The following CAPN15 variants were observed in gnomAD, a reference collection of about 807,000 sequenced individuals.
CAPN15 encodes calpain 15.
In CAPN15, 53 loss-of-function variants were observed where a neutral mutation model predicts 97.9. The ratio of observed to expected loss-of-function variants is 0.54; its 90% CI spans 0.43 to 0.68. CAPN15 has a LOEUF of 0.68. CAPN15 is among the 30% of genes least tolerant of loss of function. The pLI is 0.00. For missense variants in CAPN15, 1,592 were observed against 1,589.8 expected (o/e 1.00, Z -0.02); for synonymous variants, 922 against 722.5 (o/e 1.28, Z -4.43).
At chr16:540,711 C>T (rs928855894) in intron 3 of CAPN15, among the ~76,000 whole-genome samples, 3 of 152,214 alleles carry the variant, frequency 2.0e-5, no homozygotes, top group Admixed American at 6.5e-5. Context: ...CTGCTGCCCA[C>T]GGTTTCAAAG....
rs776322441 is a variant in CAPN15, at chr16:552,605, C to T, written c.2738C>T (p.Ala913Val). 5.8e-6 allele frequency: 9 copies of T among 1,538,664 alleles called. No individual in the cohort carries two copies. Among genetic ancestry groups the T allele is most frequent in the Admixed American group, 1.9e-5 (1 of 51,322 alleles). Residue 913 changes from alanine (A) to valine (V), a missense_variant and splice_region_variant, in exon 12 of 14, where the codon GCC (alanine) becomes GTC (valine). Transcript: ENST00000219611. The surrounding 1 kb of genome is among the most constrained non-coding windows in gnomAD (Gnocchi z 6.4). ...PPLPGTPAPQ[A>V]SSPSAGVPRA... ...GCGGTTCACACGCCCGTCCTTGTAG[C>T]CTCCAGCCCCTCGGCAGGGGTCCCG...
intron 5 of CAPN15, 41 bp downstream of exon 5, chr16:549,242 G>GGGGGC: frequency 3.3e-6 from 1 of 298,892 alleles, no homozygotes; most frequent in Non-Finnish European, 6.4e-6. Flanking sequence ...GGGTGGGCGG[G>GGGGGC]CGACCGGCCG....
At position 549,699 on chromosome 16, in the gene CAPN15, C is replaced by T. The variant is rs1482747750; in HGVS notation, c.1927C>T (p.Arg643Cys). 13 of 1,563,784 alleles carry T rather than the reference C, an allele frequency of 8.3e-6. No individual in the cohort carries two copies. Among genetic ancestry groups the T allele is most frequent in the Non-Finnish European group, 1.0e-5 (12 of 1,156,758 alleles). ...HGSYFALQAGRAIEGLATLTG... is the reference protein window; with the variant it reads ...HGSYFALQAGCAIEGLATLTG... ...CTCCTACTTTGCGCTCCAGGCGGGC[C>T]GCGCCATCGAAGGCCTGGCCACGCT... Residue 643 changes from arginine to cysteine, a missense_variant, in exon 7 of 14, where the codon CGC becomes TGC. This residue lies in a region of CAPN15 where 644 missense variants were observed against 699.6 expected (regional missense o/e 0.92). Coordinates refer to ENST00000219611, the MANE Select transcript of CAPN15 (RefSeq NM_005632.3).
chr16:537,493 A>G (rs113553282), intron 3 of CAPN15: 4 of 961,406 alleles, frequency 4.2e-6, no homozygotes, highest in Non-Finnish European at 1.2e-6. Context: ...GCAGGTGTGC[A>G]GTCCTCACAC....
At chr16:540,244 C>T (rs892253293) in intron 3 of CAPN15, 4 of 985,506 alleles carry the variant, frequency 4.1e-6, no homozygotes, top group Non-Finnish European at 4.8e-6. Flanking sequence ...CCACAGCTTC[C>T]CCGGGGGACC....
In CAPN15 at chr16:548,251, G is replaced by A. The variant is rs570496154; in HGVS notation, c.1413G>A (p.Lys471=). 5 of 1,545,128 alleles carry A rather than the reference G, an allele frequency of 3.2e-6. No individual in the cohort carries two copies. The African/African-American group carries it at 7.0e-5, about 21-fold the overall frequency. The change falls in exon 4 of 14, where the codon AAG becomes AAA. Residue 471 remains lysine (K), a synonymous_variant. Transcript: ENST00000219611. ...QRRQTDEGEA[K]ALWENIVAFC... is the part of the protein sequence containing the mutation. ...GGCAGACAGACGAGGGCGAGGCCAA[G>A]GCACTCTGGGAGAACATCGTGGCCT...
At position 547,111 on chromosome 16, in the gene CAPN15, C is replaced by T. The variant is rs759163852; in HGVS notation, c.273C>T (p.Pro91=). 5.8e-5 allele frequency: 92 copies of T among 1,576,362 alleles called. No individual in the cohort carries two copies. Among genetic ancestry groups the T allele is most frequent in the Middle Eastern group, 1.7e-4 (1 of 5,942 alleles). The change falls in exon 4 of 14, where the codon CCC becomes CCT. Residue 91 remains proline (P), a synonymous_variant. Coordinates refer to ENST00000219611, the MANE Select transcript of CAPN15 (RefSeq NM_005632.3). Reference sequence around the variant, plus strand: ...TCAACGGGGTCCTCCCCAAGCCACCCGCCATCCTGGGGGAGCCCAAGGGCA... The same window carrying T: ...TCAACGGGGTCCTCCCCAAGCCACCTGCCATCCTGGGGGAGCCCAAGGGCA... The part of the protein sequence containing the change: ...PVLNGVLPKP[P]AILGEPKGSC...
chr16:547,153 A>G lies in CAPN15; in HGVS notation c.315A>G (p.Ala105=), dbSNP rs2034642151. Residue 105 remains alanine, a synonymous_variant, in exon 4 of 14, where the codon GCA becomes GCG. Transcript: ENST00000219611. ...GEPKGSCQEE[A]GPVRTAGLVA... ...CCAAGGGCAGCTGCCAGGAGGAAGC[A>G]GGTCCAGTGAGGACTGCGGGGCTGG... is the stretch of plus-strand genomic sequence containing the variant. 1.3e-6 allele frequency: 2 copies of G among 1,546,010 alleles called. No homozygotes were observed. Among genetic ancestry groups the G allele is most frequent in the African/African-American group, 1.4e-5 (1 of 73,932 alleles).
chr16:552,570 G>T lies in CAPN15; in HGVS notation c.2738-35G>T. 1 of 1,561,960 alleles carries T rather than the reference G, an allele frequency of 6.4e-7. No individual in the cohort carries two copies. Among genetic ancestry groups the T allele is most frequent in the East Asian group, 2.3e-5 (1 of 42,692 alleles). ...CCCCAGGCTCATGCCCCAGGCCCAC[G>T]GGGAGGGCTGCGGTTCACACGCCCG... is the stretch of plus-strand genomic sequence containing the variant. On this transcript the variant is annotated intron_variant, in intron 11 of 13. Transcript: ENST00000219611. This position sits in a 1 kb window ranked among gnomAD's most constrained non-coding sequence, Gnocchi z 6.4.
intron 7 of CAPN15, among the ~76,000 whole-genome samples, 160 bp from the exon 8 acceptor site, chr16:551,142 G>C (rs367828704): frequency 2.1e-5 from 2 of 96,418 alleles, no homozygotes; most frequent in Middle Eastern, 8.1e-3. Context: ...TGAGGGCCCC[G>C]GTCGGTGAGG....
Position 554,491 on chromosome 16 carries a change from T to TA in CAPN15, c.*976dup, listed in dbSNP as rs1269851096. 1 of 455,352 alleles carries TA rather than the reference T, an allele frequency of 2.2e-6. No homozygotes were observed. Among genetic ancestry groups the TA allele is most frequent in the Non-Finnish European group, 4.4e-6 (1 of 226,740 alleles). 28.2% of individuals were successfully genotyped at this position (455,352 alleles called of 1,614,324 possible). A position where few individuals can be genotyped will look rare whatever the true frequency, so the allele number is the denominator to read the frequency against. On this transcript the variant is annotated 3_prime_UTR_variant, in exon 14 of 14. Transcript: ENST00000219611. ...GCCTCCCTGTACTCTGAGCTGTGAA[T>TA]ATTTTTAACCCTGTAAATACGGCCA...
intron 9 of CAPN15, 83 bp from the exon 10 acceptor site, chr16:551,968 C>T: frequency 7.0e-7 from 1 of 1,430,244 alleles, no homozygotes; most frequent in South Asian, 1.2e-5. Context: ...GCTGGGGTCA[C>T]CGGCCTGTGG....
chr16:534,879 G>A (rs1273467986), intron 2 of CAPN15, among the ~76,000 whole-genome samples: 1 of 152,202 alleles, frequency 6.6e-6, no homozygotes, highest in Non-Finnish European at 1.5e-5. Context: ...TGGCAAGATG[G>A]CTCTGTGAAA....
At chr16:529,300 C>T (rs2033077039) in intron 1 of CAPN15, among the ~76,000 whole-genome samples, 1 of 152,146 alleles carries the variant, frequency 6.6e-6, no homozygotes, top group Admixed American at 6.5e-5. Flanking sequence ...TCTCTGAGAG[C>T]AGGAAGTGGC....
At chr16:541,080 C>A (rs560618583) in intron 3 of CAPN15, among the ~76,000 whole-genome samples, 1 of 152,230 alleles carries the variant, frequency 6.6e-6, no homozygotes, top group Non-Finnish European at 1.5e-5. Context: ...GTCTCACACT[C>A]AAAAGGGCCT....
chr16:547,349 A>G lies in CAPN15; in HGVS notation c.511A>G (p.Arg171Gly). 1 of 1,544,340 alleles carries G rather than the reference A, an allele frequency of 6.5e-7. No individual in the cohort carries two copies. Among genetic ancestry groups the G allele is most frequent in the Non-Finnish European group, 8.7e-7 (1 of 1,151,818 alleles). Residue 171 changes from arginine (R) to glycine (G), a missense_variant, in exon 4 of 14, where the codon AGG (arginine) becomes GGG (glycine). Arg to Gly is a moderately radical substitution (Grantham distance 125). Transcript: ENST00000219611. ...CTGCTCCGTCTGCGGGGGCCCACGCAGGCTCTCGCTGCCACGGATCCCTCC... is the reference window on the plus strand; with the variant it reads ...CTGCTCCGTCTGCGGGGGCCCACGCGGGCTCTCGCTGCCACGGATCCCTCC... ...SSCSVCGGPR[R>G]LSLPRIPPEA...
rs151328571 is a variant in CAPN15 at position 553,470 on chromosome 16, C to A, written c.3215C>A (p.Pro1072Gln). 8.1e-6 allele frequency: 13 copies of A among 1,611,388 alleles called. No individual in the cohort carries two copies. The highest frequency in any genetic ancestry group is 1.1e-5 in the South Asian group (1 of 90,990). Residue 1072 changes from proline to glutamine, a missense_variant, in exon 14 of 14, where the codon CCA (proline) becomes CAA (glutamine). Transcript: ENST00000219611. ...WTASKGTHSP[P>Q]LTPEVAGLHG... ...GCCTCCAAGGGGACCCACAGCCCCC[C>A]ACTCACGCCAGAGGTCGCCGGTCTG...
chr16:536,003 GCCCCCC>G lies in CAPN15; in HGVS notation c.-136-16_-136-11del. The G allele has an allele frequency of 3.0e-5, 1 of 33,432 alleles. No individual in the cohort carries two copies. The highest frequency in any genetic ancestry group is 4.5e-5 in the Non-Finnish European group (1 of 22,376). The allele number at this position is 33,432 out of a possible 1,614,324, so 2.1% of individuals were successfully genotyped here. On this transcript the variant is annotated intron_variant, in intron 2 of 13. Coordinates refer to ENST00000219611, the MANE Select transcript of CAPN15 (RefSeq NM_005632.3). The stretch of plus-strand genomic sequence containing the variant: ...CTCCTTGGTGACAGTGCCCCTGCAC[GCCCCCC>G]CCCCCCCCCGGTTATTCAGACAGGG...
chr16:545,886 G>A (rs2034550007), intron 3 of CAPN15, among the ~76,000 whole-genome samples: 1 of 152,248 alleles, frequency 6.6e-6, no homozygotes, highest in African/African-American at 2.4e-5. Context: ...GCCAGGCCGA[G>A]GAACGTGCAG....
Sources: allele counts gnomAD v4.1 joint callset (sites outside exome capture counted in the v4.1 genomes callset), GRCh38; gene constraint gnomAD v4.1.1; regional missense constraint gnomAD v4.1.1; non-coding constraint Gnocchi (gnomAD v3.1); transcripts MANE v1.5; gene names NCBI Gene and HGNC (gene_info 2026-07-23, HGNC 2026-07-21).